Variants in NDUFS7 observed in about 807,000 individuals in gnomAD.
The protein encoded by NDUFS7 is NADH dehydrogenase [ubiquinone] iron-sulfur protein 7, mitochondrial.
NDUFS7 carries 11 observed loss-of-function variants against 31.1 expected under a neutral mutation model. That is an observed-to-expected ratio of 0.35 (90% CI 0.22 to 0.59). The LOEUF (loss-of-function observed/expected upper bound fraction) is 0.59. Among genes scored for constraint, NDUFS7 ranks in the 20% least tolerant of loss-of-function variants. NDUFS7 has a pLI of 0.79. For missense variants in NDUFS7, 263 were observed against 324.2 expected (o/e 0.81, Z 1.45); for synonymous variants, 136 against 127.9 (o/e 1.06, Z -0.43).
intron 4 of NDUFS7, chr19:1,389,188 A>G (rs1188681520): frequency 1.4e-6 from 1 of 689,880 alleles, no homozygotes; most frequent in Non-Finnish European, 2.6e-6. Flanking sequence ...TGCACACACA[A>G]GCACATGTGC....
chr19:1,385,419 A>G (rs992765688), intron 1 of NDUFS7, among the ~76,000 whole-genome samples: 16 of 152,066 alleles, frequency 1.1e-4, no homozygotes, highest in Admixed American at 6.6e-4. Context: ...GGGCTGGGGC[A>G]AGAGAATCGC....
At chr19:1,389,770 C>T (rs2082541901) in intron 4 of NDUFS7, 1 of 339,774 alleles carries the variant, frequency 2.9e-6, no homozygotes, top group African/African-American at 2.1e-5. Flanking sequence ...AACAATCCCC[C>T]ATTGATGGAC....
In NDUFS7 at chr19:1,393,175, G is replaced by C; in HGVS notation, c.456-67G>C. On this transcript the variant is annotated intron_variant, in intron 6 of 7. Transcript: ENST00000233627. The surrounding 1 kb of genome is among the most constrained non-coding windows in gnomAD (Gnocchi z 7.3). ...TTGAAGGCGGGTGGGGATGGGGCGA[G>C]GCCTCGTGGAGGGAGGGTGGGCAGG... The C allele has an allele frequency of 1.5e-6, 2 of 1,333,288 alleles. No homozygotes were observed. Among genetic ancestry groups the C allele is most frequent in the Non-Finnish European group, 2.1e-6 (2 of 958,472 alleles). The allele number at this position is 1,333,288 out of a possible 1,614,324, so 82.6% of individuals were successfully genotyped here.
chr19:1,389,102 T>C (rs768836000), intron 4 of NDUFS7, 164 bp downstream of exon 4: 1 of 730,056 alleles, frequency 1.4e-6, no homozygotes, highest in South Asian at 1.5e-5. Flanking sequence ...TGGACAGATG[T>C]GTACACGGAC....
chr19:1,389,979 C>A (rs1460690882), intron 4 of NDUFS7: 1 of 168,550 alleles, frequency 5.9e-6, no homozygotes, highest in Non-Finnish European at 1.3e-5. Context: ...TCTCGGCTCA[C>A]TGCATGCTCC....
intron 4 of NDUFS7, chr19:1,389,305 A>G (rs371418807): frequency 1.3e-4 from 70 of 536,506 alleles, no homozygotes; most frequent in Admixed American, 4.2e-4. Flanking sequence ...ATATATGCAC[A>G]GTCATGCACA....
chr19:1,391,273 A>C, intron 6 of NDUFS7, 108 bp downstream of exon 6: 2 of 1,393,924 alleles, frequency 1.4e-6, no homozygotes, highest in Non-Finnish European at 2.0e-6. Context: ...GTGAAATCCC[A>C]CGTGGTCCCG....
intron 7 of NDUFS7, 187 bp from the exon 8 acceptor site, chr19:1,395,204 C>T (rs1348580197): frequency 2.1e-6 from 3 of 1,427,048 alleles, no homozygotes; most frequent in South Asian, 3.0e-5. Flanking sequence ...GGGAGGACCC[C>T]ACTCTTCCTG....
At chr19:1,394,494 TC>T in intron 7 of NDUFS7, 1 of 1,264,544 alleles carries the variant, frequency 7.9e-7, no homozygotes, top group Non-Finnish European at 1.0e-6. Context: ...ACTGCGCTCC[TC>T]CCTCCTTGGG....
intron 6 of NDUFS7, chr19:1,391,699 C>T (rs1395000130): frequency 1.2e-5 from 2 of 169,802 alleles, no homozygotes; most frequent in Non-Finnish European, 2.5e-5. Context: ...GTTGGCCAGG[C>T]TGGTCTTGAA....
At chr19:1,387,423 G>A (rs991018304) in intron 1 of NDUFS7, among the ~76,000 whole-genome samples, 1 of 152,252 alleles carries the variant, frequency 6.6e-6, no homozygotes, top group East Asian at 1.9e-4. Flanking sequence ...CCTGCCTCAT[G>A]AGAAGGGGCC....
At position 1,391,105 on chromosome 19, in the gene NDUFS7, C is replaced by T. The variant is rs747857223; in HGVS notation, c.409-14C>T. On this transcript the variant is annotated splice_polypyrimidine_tract_variant and intron_variant, in intron 5 of 7. Transcript: ENST00000233627. ...CCCAGAGTGAGCTGCGCACGGACCC[C>T]GCCTCTCTTCCAGGTCTACGACCAG... 8 of 1,612,644 alleles carry T rather than the reference C, an allele frequency of 5.0e-6. No individual in the cohort carries two copies. Among genetic ancestry groups the T allele is most frequent in the African/African-American group, 1.3e-5 (1 of 75,022 alleles).
intron 1 of NDUFS7, among the ~76,000 whole-genome samples, chr19:1,385,980 C>G (rs1488340100): frequency 2.0e-5 from 3 of 152,324 alleles, no homozygotes; most frequent in African/African-American, 4.8e-5. Context: ...CCCACCAGAG[C>G]CTGGGGCTGG....
chr19:1,392,567 T>C (rs368491613), intron 6 of NDUFS7: 9 of 154,410 alleles, frequency 5.8e-5, no homozygotes, highest in African/African-American at 1.9e-4. Flanking sequence ...TGGCCTTCTG[T>C]GTCCGGCGTC....
At position 1,395,396 on chromosome 19, in the gene NDUFS7, C is replaced by T. The variant is rs2082589966; in HGVS notation, c.550C>T (p.Pro184Ser). ...CTGAGGCAAGGTCCCTGCAGGCTGC[C>T]CACCTACGGCCGAGGCCCTGCTCTA... Reference protein sequence around the residue: ...VPVDIYIPGCPPTAEALLYGI... With the variant: ...VPVDIYIPGCSPTAEALLYGI... Residue 184 changes from proline (P) to serine (S), a missense_variant, in exon 8 of 8, where the codon CCA becomes TCA. Physicochemically the swap from Pro to Ser is moderately conservative, Grantham distance 74 (BLOSUM62 -1). Coordinates refer to ENST00000233627, the MANE Select transcript of NDUFS7 (RefSeq NM_024407.5). The T allele has an allele frequency of 6.3e-7, 1 of 1,599,892 alleles. No homozygotes were observed. Among genetic ancestry groups the T allele is most frequent in the African/African-American group, 1.3e-5 (1 of 74,884 alleles).
chr19:1,384,826 T>A (rs1255501513), intron 1 of NDUFS7, among the ~76,000 whole-genome samples: 1 of 152,216 alleles, frequency 6.6e-6, no homozygotes, highest in Non-Finnish European at 1.5e-5. Context: ...TTTATTTATT[T>A]ATTAAGACAG....
In NDUFS7 at chr19:1,393,973, TC is replaced by T. The variant is rs999839607; in HGVS notation, c.544+649del. On this transcript the variant is annotated intron_variant, in intron 7 of 7. Transcript: ENST00000233627. The surrounding 1 kb of genome is among the most constrained non-coding windows in gnomAD (Gnocchi z 7.3). ...ACCTCACGTGGTCCCACGAGGGCCA[TC>T]CCCCCGGGCGTTCACCTTGACAGTG... is the stretch of plus-strand genomic sequence containing the variant. The T allele has an allele frequency of 3.3e-4, 78 of 239,554 alleles. No homozygotes were observed. The highest frequency in any genetic ancestry group is 1.4e-3 in the African/African-American group (64 of 44,286). 14.8% of individuals were successfully genotyped at this position (239,554 alleles called of 1,614,324 possible). A position where few individuals can be genotyped will look rare whatever the true frequency, so the allele number is the denominator to read the frequency against.
intron 7 of NDUFS7, 170 bp from the exon 8 acceptor site, chr19:1,395,221 C>G: frequency 3.5e-6 from 5 of 1,431,928 alleles, no homozygotes; most frequent in South Asian, 1.5e-5. Context: ...CCTGCAGGGA[C>G]CTCCCCTGCG....
At chr19:1,395,085 C>A in intron 7 of NDUFS7, 1 of 1,297,422 alleles carries the variant, frequency 7.7e-7, no homozygotes, top group Non-Finnish European at 9.9e-7. Context: ...CCATTGAGTC[C>A]TGAGGGCTGG....
Sources: gnomAD v4.1 joint callset for allele counts (sites outside exome capture counted in the v4.1 genomes callset) on GRCh38, gnomAD v4.1.1 for gene constraint, Gnocchi (gnomAD v3.1) non-coding constraint, MANE v1.5 for transcripts, NCBI Gene and HGNC (gene_info 2026-07-23, HGNC 2026-07-21) for gene names.